The following SMYD3 variants were observed in gnomAD, a reference collection of about 807,000 sequenced individuals.
SMYD3 encodes SET and MYND domain containing 3, also known as histone-lysine N-methyltransferase SMYD3.
SMYD3 carries 36 observed loss-of-function variants against 57.7 expected under a neutral mutation model. The observed-to-expected ratio is 0.62, with a 90% confidence interval of 0.48 to 0.82. The LOEUF is 0.82. Among genes scored for constraint, SMYD3 ranks in the 40% least tolerant of loss-of-function variants. The probability of loss-of-function intolerance (pLI) is 0.00; values close to 1 mark genes in which losing one functional copy is unlikely to be tolerated. For missense variants in SMYD3, 515 were observed against 538.8 expected (o/e 0.96, Z 0.44); for synonymous variants, 211 against 195.0 (o/e 1.08, Z -0.68).
intron 5 of SMYD3, among the ~76,000 whole-genome samples, chr1:246,123,571 AACACACACACACACACACACAC>A (rs557543331): frequency 1.0e-4 from 13 of 129,574 alleles, no homozygotes; most frequent in East Asian, 9.4e-4. Flanking sequence ...TCCATCTCAA[AACACACACACACACACACACAC>A]ACACACACAC....
chr1:246,140,452 T>C (rs2061734832), intron 5 of SMYD3, among the ~76,000 whole-genome samples: 1 of 152,182 alleles, frequency 6.6e-6, no homozygotes, highest in South Asian at 2.1e-4. Context: ...CCAGTAGTAT[T>C]AGTACCGCTA....
intron 1 of SMYD3, among the ~76,000 whole-genome samples, chr1:246,425,515 C>T (rs2067205494): frequency 6.6e-6 from 1 of 152,180 alleles, no homozygotes; most frequent in African/African-American, 2.4e-5. Flanking sequence ...AGAGTGTTCA[C>T]TGGCTGGGAG....
intron 5 of SMYD3, chr1:246,305,975 C>T (rs2064970412): frequency 6.6e-6 from 1 of 152,128 alleles, no homozygotes; most frequent in African/African-American, 2.4e-5. Context: ...ACACAACTTA[C>T]AGTGGATTTG....
intron 1 of SMYD3, among the ~76,000 whole-genome samples, chr1:246,481,679 CAT>C (rs201630826): frequency 7.8e-4 from 105 of 134,726 alleles, no homozygotes; most frequent in Non-Finnish European, 1.2e-3. Context: ...TATATAAACT[CAT>C]ATATGAGTAT....
intron 10 of SMYD3, among the ~76,000 whole-genome samples, chr1:245,800,427 G>GT (rs575806493): frequency 1.9e-3 from 281 of 148,948 alleles, no homozygotes; most frequent in African/African-American, 3.0e-3. Context: ...TATATGCTGG[G>GT]TTTTTTTTTT....
intron 10 of SMYD3, among the ~76,000 whole-genome samples, chr1:245,811,770 A>G (rs964383847): frequency 6.6e-6 from 1 of 152,246 alleles, no homozygotes; most frequent in Admixed American, 6.5e-5. Flanking sequence ...GATGTGCTGT[A>G]CAGGTGCTCT....
At chr1:246,124,204 G>A (rs2061469848) in intron 5 of SMYD3, among the ~76,000 whole-genome samples, 1 of 152,190 alleles carries the variant, frequency 6.6e-6, no homozygotes, top group African/African-American at 2.4e-5. Context: ...TTTAGCCTGT[G>A]TTCTAGTCTC....
At chr1:246,245,867 TC>T (rs2063695743) in intron 5 of SMYD3, among the ~76,000 whole-genome samples, 1 of 152,190 alleles carries the variant, frequency 6.6e-6, no homozygotes, top group South Asian at 2.1e-4. Flanking sequence ...TTAGTTTTTT[TC>T]CATTTCTGTA....
chr1:246,343,054 A>C (rs2065656390), intron 2 of SMYD3, among the ~76,000 whole-genome samples: 1 of 152,242 alleles, frequency 6.6e-6, no homozygotes, highest in East Asian at 1.9e-4. Flanking sequence ...ACATTCATTC[A>C]TTTCATGCTA....
chr1:246,306,623 T>C lies in SMYD3; in HGVS notation c.531+20578A>G, dbSNP rs951643514. 3.3e-5 allele frequency among the ~76,000 whole-genome samples: 5 copies of C among 152,236 alleles called. No individual in the cohort carries two copies. The South Asian group carries it at 8.3e-4, about 25-fold the overall frequency. On this transcript the variant is annotated intron_variant, in intron 5 of 11. Coordinates refer to ENST00000490107, the MANE Select transcript of SMYD3 (RefSeq NM_001167740.2). ...CCTCTATCTCCAATTTATTATGGTA[T>C]AAGTATTACCAAAATTAAATTTGTA...
intron 5 of SMYD3, among the ~76,000 whole-genome samples, chr1:246,220,314 C>T (rs1558325292): frequency 6.7e-6 from 1 of 150,336 alleles, no homozygotes; most frequent in Non-Finnish European, 1.5e-5. Flanking sequence ...ACCCGCCCCA[C>T]CCGCCATGCT....
At chr1:246,430,718 T>C (rs2067285114) in intron 1 of SMYD3, among the ~76,000 whole-genome samples, 1 of 151,998 alleles carries the variant, frequency 6.6e-6, no homozygotes, top group South Asian at 2.1e-4. Flanking sequence ...TATCTGGGGG[T>C]CATCAGGACT....
At chr1:246,090,233 G>A (rs999473889) in intron 5 of SMYD3, among the ~76,000 whole-genome samples, 1 of 152,120 alleles carries the variant, frequency 6.6e-6, no homozygotes, top group African/African-American at 2.4e-5. Flanking sequence ...TGGCCAAACT[G>A]TCCAACATAC....
intron 5 of SMYD3, among the ~76,000 whole-genome samples, chr1:246,301,422 CA>C (rs1461832429): frequency 6.6e-6 from 1 of 152,090 alleles, no homozygotes; most frequent in Non-Finnish European, 1.5e-5. Flanking sequence ...GGAGGTAGTA[CA>C]CTTCCTGCAG....
At chr1:245,866,298 A>G (rs2362582) in intron 8 of SMYD3, among the ~76,000 whole-genome samples, 83,978 of 149,896 alleles carry the variant, frequency 0.56, 26,440 homozygotes, top group Non-Finnish European at 0.73. Flanking sequence ...GTGGGCCTCT[A>G]TGTGTATGTG....
intron 1 of SMYD3, among the ~76,000 whole-genome samples, chr1:246,375,603 A>C (rs2066263253): frequency 6.6e-6 from 1 of 152,214 alleles, no homozygotes; most frequent in Non-Finnish European, 1.5e-5. Flanking sequence ...CAAGTCTTAC[A>C]TATGCTGCTT....
intron 5 of SMYD3, among the ~76,000 whole-genome samples, chr1:246,303,369 T>C (rs1442820976): frequency 6.6e-6 from 1 of 152,172 alleles, no homozygotes; most frequent in Non-Finnish European, 1.5e-5. Flanking sequence ...TCCCTCAGTA[T>C]TGACTCTAGC....
rs192334588 is a variant in SMYD3, at chr1:246,331,022, C to A, written c.337-485G>T. 1.9e-4 allele frequency among the ~76,000 whole-genome samples: 29 copies of A among 152,252 alleles called. No homozygotes were observed. The East Asian group carries it at 5.2e-3, about 27-fold the overall frequency. ...TGGTGGCATGCACCTGTAGTCCCAG[C>A]TACTCAGCAGGCCGAGGAGGGAGAA... is the stretch of plus-strand genomic sequence containing the variant. On this transcript the variant is annotated intron_variant, in intron 3 of 11. Transcript: ENST00000490107.
rs2062949917 is a variant in SMYD3 at position 246,203,423 on chromosome 1, G to A, written c.531+123778C>T. Among the ~76,000 whole-genome samples the A allele has an allele frequency of 6.6e-6, 1 of 152,178 alleles. No homozygotes were observed. The highest frequency in any genetic ancestry group is 2.1e-4 in the South Asian group (1 of 4,830). ...TGCCATAACAGAATACTACAGACTG[G>A]TGGCTGAAACAACAGCAACTGATTC... is the stretch of plus-strand genomic sequence containing the variant. On this transcript the variant is annotated intron_variant, in intron 5 of 11. Coordinates refer to ENST00000490107, the MANE Select transcript of SMYD3 (RefSeq NM_001167740.2). This position sits in a 1 kb window ranked among gnomAD's most constrained non-coding sequence, Gnocchi z 4.6.
Sources: allele counts gnomAD v4.1 joint callset (sites outside exome capture counted in the v4.1 genomes callset), GRCh38; gene constraint gnomAD v4.1.1; non-coding constraint Gnocchi (gnomAD v3.1); transcripts MANE v1.5; gene names NCBI Gene and HGNC (gene_info 2026-07-23, HGNC 2026-07-21).